SLC25A13: variants seen among roughly 807,000 people sequenced by gnomAD.
SLC25A13 encodes electrogenic aspartate/glutamate antiporter SLC25A13, mitochondrial.
In SLC25A13, 70 loss-of-function variants were observed where a neutral mutation model predicts 85.5. The ratio of observed to expected loss-of-function variants is 0.82; its 90% CI spans 0.68 to 1.00. SLC25A13 has a LOEUF of 1.00. Among genes scored for constraint, SLC25A13 ranks in the 50% least tolerant of loss-of-function variants. The pLI is 0.00. For synonymous variants in SLC25A13, 259 were observed against 288.7 expected, an observed-to-expected ratio of 0.90 and a Z score of 1.04; for missense variants, 765 against 819.8, an observed-to-expected ratio of 0.93 and a Z score of 0.82.
intron 13 of SLC25A13, among the ~76,000 whole-genome samples, chr7:96,149,962 G>GT (rs552836586): frequency 8.4e-4 from 127 of 151,874 alleles, no homozygotes; most frequent in Non-Finnish European, 9.7e-4. Flanking sequence ...TGAAGATACT[G>GT]TTTTTTTTGT....
At chr7:96,296,792 A>C in intron 2 of SLC25A13, 106 bp downstream of exon 2, 2 of 1,202,548 alleles carry the variant, frequency 1.7e-6, no homozygotes, top group Non-Finnish European at 2.4e-6. Flanking sequence ...ACACTTTGGG[A>C]CTTTTTCAAA....
At chr7:96,236,031 A>G (rs982322780) in intron 3 of SLC25A13, among the ~76,000 whole-genome samples, 2 of 152,246 alleles carry the variant, frequency 1.3e-5, no homozygotes, top group African/African-American at 4.8e-5. Flanking sequence ...TGGTTTTCAT[A>G]TATTTTACAG....
intron 1 of SLC25A13, among the ~76,000 whole-genome samples, chr7:96,305,682 T>G (rs926512380): frequency 2.0e-5 from 3 of 152,222 alleles, no homozygotes; most frequent in Non-Finnish European, 2.9e-5. Context: ...TGAAAAGCTC[T>G]ACTTAGGAGA....
chr7:96,188,141 G>C (rs891712446), intron 9 of SLC25A13, among the ~76,000 whole-genome samples: 2 of 152,216 alleles, frequency 1.3e-5, no homozygotes, highest in Non-Finnish European at 2.9e-5. Context: ...TACAGACGAA[G>C]AGATAATCAT....
At chr7:96,313,360 C>A (rs191929057) in intron 1 of SLC25A13, among the ~76,000 whole-genome samples, 2 of 152,298 alleles carry the variant, frequency 1.3e-5, no homozygotes, top group East Asian at 3.9e-4. Context: ...AGGAAACCAA[C>A]CTAGGTGCCC....
intron 2 of SLC25A13, among the ~76,000 whole-genome samples, chr7:96,293,200 T>C (rs1799196574): frequency 6.6e-6 from 1 of 152,164 alleles, no homozygotes; most frequent in South Asian, 2.1e-4. Flanking sequence ...ATTTAACAAA[T>C]GGTACTGGGA....
chr7:96,286,452 T>C (rs769350054), intron 2 of SLC25A13, among the ~76,000 whole-genome samples: 1 of 152,182 alleles, frequency 6.6e-6, no homozygotes, highest in Non-Finnish European at 1.5e-5. Flanking sequence ...TTGTATGTGT[T>C]GTTTTCTTTG....
At chr7:96,259,681 T>C (rs182914696) in intron 3 of SLC25A13, among the ~76,000 whole-genome samples, 6 of 152,306 alleles carry the variant, frequency 3.9e-5, no homozygotes, top group Admixed American at 3.9e-4. Context: ...AGAAATACCA[T>C]TTGACCTAGC....
chr7:96,266,002 C>T (rs1798032772), intron 3 of SLC25A13, among the ~76,000 whole-genome samples: 1 of 152,188 alleles, frequency 6.6e-6, no homozygotes, highest in East Asian at 1.9e-4. Flanking sequence ...CTAATCACCT[C>T]CCCAAAGTTC....
At chr7:96,144,314 T>C (rs535346805) in intron 14 of SLC25A13, among the ~76,000 whole-genome samples, 1 of 152,132 alleles carries the variant, frequency 6.6e-6, no homozygotes, top group Non-Finnish European at 1.5e-5. Flanking sequence ...GAGGTCAACA[T>C]CTGCTGAATG....
At chr7:96,218,212 T>TTAA (rs1451725079) in intron 4 of SLC25A13, among the ~76,000 whole-genome samples, 1 of 152,176 alleles carries the variant, frequency 6.6e-6, no homozygotes, top group Non-Finnish European at 1.5e-5. Flanking sequence ...AGTTTTTAAT[T>TTAA]TCTCAAAAAG....
Position 96,121,997 on chromosome 7 carries a change from C to T in SLC25A13, c.1592G>A (p.Gly531Asp), listed in dbSNP as rs80338724. Residue 531 changes from glycine to aspartate, a missense_variant and splice_region_variant, in exon 16 of 18, where the codon GGT becomes GAT. Physicochemically the swap from Gly to Asp is moderately conservative, Grantham distance 94. Transcript: ENST00000265631. Reference protein sequence around the residue: ...GSLLLAGAIAGMPAASLVTPA... With the variant: ...GSLLLAGAIADMPAASLVTPA... Reference sequence around the variant, plus strand: ...GGTCACTAAAGATGCTGCAGGCATACCTGCAGGAGAGACACAACACCATCT... The same window carrying T: ...GGTCACTAAAGATGCTGCAGGCATATCTGCAGGAGAGACACAACACCATCT... 5.0e-6 allele frequency: 8 copies of T among 1,614,160 alleles called. No homozygotes were observed. The East Asian group carries it at 1.8e-4, about 36-fold the overall frequency.
At chr7:96,134,957 G>A (rs1310336595) in intron 14 of SLC25A13, among the ~76,000 whole-genome samples, 2 of 151,882 alleles carry the variant, frequency 1.3e-5, no homozygotes, top group African/African-American at 4.8e-5. Context: ...AGTCTTTGGT[G>A]TCTGATTACC....
intron 3 of SLC25A13, among the ~76,000 whole-genome samples, chr7:96,251,339 C>T (rs1378881558): frequency 1.3e-5 from 2 of 152,094 alleles, no homozygotes; most frequent in Non-Finnish European, 2.9e-5. Flanking sequence ...ACGAGAAGGG[C>T]TTTGGCTTTT....
chr7:96,123,204 A>C (rs1791587149), intron 15 of SLC25A13, among the ~76,000 whole-genome samples: 1 of 152,236 alleles, frequency 6.6e-6, no homozygotes, highest in Admixed American at 6.5e-5. Flanking sequence ...GCTTCACTGG[A>C]TAAGTCATAC....
At chr7:96,191,333 G>T in intron 6 of SLC25A13, 86 bp from the exon 7 acceptor site, 2 of 1,395,052 alleles carry the variant, frequency 1.4e-6, no homozygotes, top group Non-Finnish European at 2.0e-6. Context: ...AAACTAGTTT[G>T]AAAGTAATCA....
At chr7:96,208,479 C>A (rs1010544591) in intron 5 of SLC25A13, among the ~76,000 whole-genome samples, 2 of 151,906 alleles carry the variant, frequency 1.3e-5, no homozygotes, top group East Asian at 3.9e-4. Context: ...CAATTTGATT[C>A]CAGGTTTACT....
intron 1 of SLC25A13, among the ~76,000 whole-genome samples, chr7:96,297,235 G>A (rs939534101): frequency 5.9e-5 from 9 of 152,088 alleles, no homozygotes; most frequent in Non-Finnish European, 1.3e-4. Context: ...GTGAAACATT[G>A]CAAACACCTG....
chr7:96,317,496 C>T (rs1053125819), intron 1 of SLC25A13, among the ~76,000 whole-genome samples: 1 of 151,880 alleles, frequency 6.6e-6, no homozygotes, highest in Non-Finnish European at 1.5e-5. Context: ...TTTTTATTAC[C>T]TGCTGTTAAC....
Sources: allele counts gnomAD v4.1 joint callset (sites outside exome capture counted in the v4.1 genomes callset), GRCh38; gene constraint gnomAD v4.1.1; transcripts MANE v1.5; gene names NCBI Gene and HGNC (gene_info 2026-07-23, HGNC 2026-07-21).